ANKAR: variants seen among roughly 807,000 people sequenced by gnomAD.
ANKAR encodes ankyrin and armadillo repeat-containing protein.
A neutral mutation model predicts 146.2 loss-of-function variants in ANKAR; 136 were observed. The ratio of observed to expected loss-of-function variants is 0.93; its 90% CI spans 0.81 to 1.07. The LOEUF is 1.07. Among genes scored for constraint, ANKAR ranks in the 50% least tolerant of loss-of-function variants. ANKAR has a pLI of 0.00. For synonymous variants in ANKAR, 500 were observed against 575.8 expected (o/e 0.87, Z 1.88); for missense variants, 1,567 against 1,679.9 (o/e 0.93, Z 1.18).
intron 18 of ANKAR, chr2:189,752,956 A>G: frequency 6.2e-7 from 1 of 1,612,652 alleles, no homozygotes; most frequent in East Asian, 2.2e-5. Context: ...TATAGAAGTT[A>G]CTTGCGACAC....
chr2:189,755,496 G>A (rs771838736), intron 18 of ANKAR: 2 of 1,603,258 alleles, frequency 1.2e-6, no homozygotes, highest in South Asian at 1.1e-5. Context: ...AGAGCTTCTT[G>A]TACTATTCGT....
rs1315449446 is a variant in ANKAR, at chr2:189,734,352, TA to T, written c.3423+1130del. ...AATGTAACATTTGCCTAAGGGCAATTAAAAAAATTCCCTTCTTCCTTCTACG... is the reference window on the plus strand; with the variant it reads ...AATGTAACATTTGCCTAAGGGCAATTAAAAAATTCCCTTCTTCCTTCTACG... On this transcript the variant is annotated intron_variant, in intron 17 of 22. Transcript: ENST00000684021. Among the ~76,000 whole-genome samples, 10 of 152,068 alleles carry T rather than the reference TA, an allele frequency of 6.6e-5. No homozygotes were observed. In the East Asian group the frequency reaches 1.2e-3, roughly 18 times the overall value.
intron 17 of ANKAR, 21 bp downstream of exon 17, chr2:189,733,250 T>C: frequency 2.6e-6 from 4 of 1,560,466 alleles, no homozygotes; most frequent in Non-Finnish European, 3.5e-6. Flanking sequence ...TACAAAATAT[T>C]GAGGTTCATT....
chr2:189,696,293 CAG>C lies in ANKAR; in HGVS notation c.1635_1636del (p.Arg545SerfsTer11), dbSNP rs1281122060. 3 of 1,614,006 alleles carry C rather than the reference CAG, an allele frequency of 1.9e-6. No homozygotes were observed. Among genetic ancestry groups the C allele is most frequent in the Non-Finnish European group, 1.7e-6 (2 of 1,180,024 alleles). ...TIFHHAALHN[R>X]VSIICQLCNA... ...TTTTTCATCATGCTGCCCTGCACAA[CAG>C]AGTTTCTATTATATGTCAACTGTGC... On this transcript the variant is annotated frameshift_variant, in exon 7 of 23. Coordinates refer to ENST00000684021, the MANE Select transcript of ANKAR (RefSeq NM_001378068.1). LOFTEE classifies it high-confidence loss of function.
chr2:189,713,744 T>C (rs1445640073), intron 10 of ANKAR, among the ~76,000 whole-genome samples: 1 of 152,176 alleles, frequency 6.6e-6, no homozygotes, highest in Non-Finnish European at 1.5e-5. Flanking sequence ...TATGACAGGA[T>C]AAAATTCACA....
At chr2:189,686,829 T>C (rs1261499947) in intron 2 of ANKAR, among the ~76,000 whole-genome samples, 2 of 19,450 alleles carry the variant, frequency 1.0e-4, no homozygotes, top group Admixed American at 9.7e-4. Flanking sequence ...CTTTCTTTTT[T>C]TGAATTATTT....
At chr2:189,755,284 TAAA>T (rs1376826391) in intron 18 of ANKAR, 1 of 1,613,224 alleles carries the variant, frequency 6.2e-7, no homozygotes, top group South Asian at 1.1e-5. Context: ...TCAAAAGAAC[TAAA>T]AAAGGAAATT....
chr2:189,751,830 A>AC lies in ANKAR; in HGVS notation c.*584+7042_*584+7043insC, dbSNP rs1559162289. Among the ~76,000 whole-genome samples, 6 of 151,746 alleles carry AC rather than the reference A, an allele frequency of 4.0e-5. No individual in the cohort carries two copies. The East Asian group carries it at 7.8e-4, about 20-fold the overall frequency. Reference sequence around the variant, plus strand: ...AATAATTGTCTTTTACTATTCCAGAATTAAAACAGAATTTGATAGTAATTT... The same window carrying AC: ...AATAATTGTCTTTTACTATTCCAGAACTTAAAACAGAATTTGATAGTAATTT... On this transcript the variant is annotated intron_variant and NMD_transcript_variant, in intron 18 of 18. Coordinates refer to the ANKAR transcript ENST00000441800.
chr2:189,705,022 G>T lies in ANKAR; in HGVS notation c.1709-1G>T, dbSNP rs2105656015. On this transcript the variant is annotated splice_acceptor_variant, in intron 7 of 22. Coordinates refer to ENST00000684021, the MANE Select transcript of ANKAR (RefSeq NM_001378068.1). LOFTEE classifies it high-confidence loss of function. ...CTGAAGTAATTGTCCATCCATTCTA[G>T]GTCCAACACCTCTACACCTTGCTGC... 6.2e-7 allele frequency: 1 copy of T among 1,613,690 alleles called. No individual in the cohort carries two copies. Among genetic ancestry groups the T allele is most frequent in the South Asian group, 1.1e-5 (1 of 91,064 alleles).
intron 10 of ANKAR, among the ~76,000 whole-genome samples, chr2:189,718,455 A>G (rs977344278): frequency 1.3e-5 from 2 of 152,170 alleles, no homozygotes; most frequent in East Asian, 3.8e-4. Flanking sequence ...GTGGTTATTG[A>G]ACTCACGTGA....
chr2:189,722,851 C>T (rs1187976722), intron 12 of ANKAR, among the ~76,000 whole-genome samples: 1 of 150,386 alleles, frequency 6.6e-6, no homozygotes, highest in African/African-American at 2.4e-5. Context: ...CACTGCACTC[C>T]AGCCTGGCAA....
intron 22 of ANKAR, among the ~76,000 whole-genome samples, chr2:189,745,027 C>CTACTCCTAATAATAATAATAA (rs376824673): frequency 7.6e-6 from 1 of 131,094 alleles, no homozygotes; most frequent in Non-Finnish European, 1.6e-5. Flanking sequence ...ACTACTACTA[C>CTACTCCTAATAATAATAATAA]TAATAATACA....
chr2:189,723,405 T>C (rs1032534883), intron 12 of ANKAR, among the ~76,000 whole-genome samples: 2 of 152,174 alleles, frequency 1.3e-5, no homozygotes, highest in Non-Finnish European at 2.9e-5. Context: ...TACCCTACTT[T>C]CCTGTTCTGT....
intron 18 of ANKAR, among the ~76,000 whole-genome samples, chr2:189,758,332 GATTGCACC>G (rs2046398453): frequency 6.6e-6 from 1 of 151,982 alleles, no homozygotes; most frequent in Non-Finnish European, 1.5e-5. Context: ...GATGAGCCAA[GATTGCACC>G]ATTGCACTCT....
Position 189,696,288 on chromosome 2 carries a change from C to T in ANKAR, c.1627C>T (p.His543Tyr), listed in dbSNP as rs1428420357. 33 of 1,613,956 alleles carry T rather than the reference C, an allele frequency of 2.0e-5. No individual in the cohort carries two copies. The highest frequency in any genetic ancestry group is 2.5e-5 in the Non-Finnish European group (30 of 1,180,014). Residue 543 changes from histidine (H) to tyrosine (Y), a missense_variant, in exon 7 of 23, where the codon CAC (histidine) becomes TAC (tyrosine). Physicochemically the swap from His to Tyr is moderately conservative, Grantham distance 83. Coordinates refer to ENST00000684021, the MANE Select transcript of ANKAR (RefSeq NM_001378068.1). ...GYTIFHHAALHNRVSIICQLC... is the reference protein window; with the variant it reads ...GYTIFHHAALYNRVSIICQLC... The stretch of plus-strand genomic sequence containing the variant: ...TACTATTTTTCATCATGCTGCCCTG[C>T]ACAACAGAGTTTCTATTATATGTCA...
At chr2:189,717,729 C>T (rs2040672325) in intron 10 of ANKAR, among the ~76,000 whole-genome samples, 1 of 152,162 alleles carries the variant, frequency 6.6e-6, no homozygotes, top group Non-Finnish European at 1.5e-5. Context: ...AAATGTGGCA[C>T]AGATACACCA....
At chr2:189,746,044 G>A (rs765418772) in intron 22 of ANKAR, among the ~76,000 whole-genome samples, 1 of 152,114 alleles carries the variant, frequency 6.6e-6, no homozygotes, top group East Asian at 1.9e-4. Context: ...AAGGTAGCAC[G>A]TTTCTGATAA....
intron 12 of ANKAR, among the ~76,000 whole-genome samples, chr2:189,722,657 T>C (rs1036180661): frequency 3.3e-5 from 5 of 151,808 alleles, no homozygotes; most frequent in Admixed American, 2.6e-4. Flanking sequence ...CCAAGGCGGG[T>C]GGATCACAAG....
chr2:189,695,587 G>A (rs1019928073), intron 6 of ANKAR, among the ~76,000 whole-genome samples: 2 of 152,172 alleles, frequency 1.3e-5, no homozygotes, highest in African/African-American at 4.8e-5. Context: ...AGCAGACCTA[G>A]CATCATCAAA....
Sources: allele counts gnomAD v4.1 joint callset (sites outside exome capture counted in the v4.1 genomes callset), GRCh38; gene constraint gnomAD v4.1.1; transcripts MANE v1.5; gene names NCBI Gene and HGNC (gene_info 2026-07-23, HGNC 2026-07-21).